The following VAPB variants were observed in gnomAD, a reference collection of about 807,000 sequenced individuals.
The protein encoded by VAPB is vesicle-associated membrane protein-associated protein B/C.
A neutral mutation model predicts 25.6 loss-of-function variants in VAPB; 7 were observed. That is an observed-to-expected ratio of 0.27 (90% CI 0.16 to 0.51). The LOEUF (loss-of-function observed/expected upper bound fraction) is 0.51. Among genes scored for constraint, VAPB ranks in the 20% least tolerant of loss-of-function variants. The pLI, the probability that VAPB is intolerant of heterozygous loss-of-function variation, is 0.97. For missense variants in VAPB, 266 were observed against 301.3 expected, an observed-to-expected ratio of 0.88 and a Z score of 0.87; for synonymous variants, 112 against 109.2, an observed-to-expected ratio of 1.03 and a Z score of -0.16.
chr20:58,396,103 C>G (rs1486140811), intron 1 of VAPB, among the ~76,000 whole-genome samples: 1 of 152,018 alleles, frequency 6.6e-6, no homozygotes, highest in Non-Finnish European at 1.5e-5. Context: ...CGTGAGAAAA[C>G]CTTGGAATAC....
At chr20:58,424,979 C>T (rs556722998) in intron 2 of VAPB, among the ~76,000 whole-genome samples, 11 of 152,360 alleles carry the variant, frequency 7.2e-5, no homozygotes, top group Admixed American at 2.0e-4. Context: ...ATGATCTCAA[C>T]GTGTTCTGGA....
At chr20:58,392,873 A>G (rs1225768498) in intron 1 of VAPB, among the ~76,000 whole-genome samples, 1 of 152,240 alleles carries the variant, frequency 6.6e-6, no homozygotes, top group African/African-American at 2.4e-5. Context: ...TTTTATAGGA[A>G]GTACTATGCT....
chr20:58,414,156 GCGGC>G (rs1988462047), intron 1 of VAPB, among the ~76,000 whole-genome samples: 1 of 130,124 alleles, frequency 7.7e-6, no homozygotes, highest in Admixed American at 7.1e-5. Context: ...CCCGGACGGG[GCGGC>G]TGGCCGGGCG....
In VAPB at chr20:58,444,535, C is replaced by T. The variant is rs897745393; in HGVS notation, c.*300C>T. The T allele has an allele frequency of 3.9e-6, 2 of 516,186 alleles. No individual in the cohort carries two copies. The highest frequency in any genetic ancestry group is 7.5e-6 in the Non-Finnish European group (2 of 267,652). 32.0% of individuals were successfully genotyped at this position (516,186 alleles called of 1,614,324 possible). On this transcript the variant is annotated 3_prime_UTR_variant, in exon 6 of 6. Coordinates refer to ENST00000475243, the MANE Select transcript of VAPB (RefSeq NM_004738.5). ...GGCATATTGTAAATGTCATTTTAAA[C>T]ATTGGTAGGCCTTGGTACATGATGC...
At chr20:58,394,510 C>A (rs753999092) in intron 1 of VAPB, among the ~76,000 whole-genome samples, 1 of 152,216 alleles carries the variant, frequency 6.6e-6, no homozygotes, top group South Asian at 2.1e-4. Flanking sequence ...GAAGATTCTT[C>A]GTGGTAGTGG....
At chr20:58,425,139 G>C (rs1405551038) in intron 2 of VAPB, among the ~76,000 whole-genome samples, 2 of 152,188 alleles carry the variant, frequency 1.3e-5, no homozygotes, top group East Asian at 3.9e-4. Context: ...CTGTGTCTTT[G>C]ATTAGTCTCA....
chr20:58,412,491 C>T (rs1430998976), intron 1 of VAPB, among the ~76,000 whole-genome samples: 1 of 144,930 alleles, frequency 6.9e-6, no homozygotes, highest in Admixed American at 7.3e-5. Flanking sequence ...GCATGAGAAT[C>T]GCTTGAACCT....
At chr20:58,411,584 G>T (rs762348996) in intron 1 of VAPB, among the ~76,000 whole-genome samples, 3 of 152,146 alleles carry the variant, frequency 2.0e-5, no homozygotes, top group Non-Finnish European at 4.4e-5. Flanking sequence ...ACATCTTTTC[G>T]TATGTTTATT....
At chr20:58,397,769 C>T (rs995126630) in intron 1 of VAPB, among the ~76,000 whole-genome samples, 1 of 152,138 alleles carries the variant, frequency 6.6e-6, no homozygotes, top group East Asian at 1.9e-4. Flanking sequence ...ATGCTCCTGA[C>T]CAGCCATTGC....
chr20:58,416,306 G>A (rs1406255104), intron 1 of VAPB, among the ~76,000 whole-genome samples: 2 of 143,478 alleles, frequency 1.4e-5, no homozygotes, highest in East Asian at 4.1e-4. Context: ...TTCAAAAACA[G>A]TTAAGTGTTT....
chr20:58,451,083 T>G lies in VAPB; in HGVS notation c.*6848T>G, dbSNP rs1293546545. The G allele has an allele frequency of 2.5e-6, 1 of 403,284 alleles. No individual in the cohort carries two copies. The highest frequency in any genetic ancestry group is 7.1e-5 in the East Asian group (1 of 14,030). The allele number at this position is 403,284 out of a possible 1,614,324, so 25.0% of individuals were successfully genotyped here. ...TCCATATTATGTTCAATAAATTCTG[T>G]GCTCTGAATATATTTAAAGGATGCT... On this transcript the variant is annotated 3_prime_UTR_variant, in exon 6 of 6. Coordinates refer to ENST00000475243, the MANE Select transcript of VAPB (RefSeq NM_004738.5).
rs968333452 is a variant in VAPB, at chr20:58,444,617, G to A, written c.*382G>A. The A allele has an allele frequency of 4.0e-5, 18 of 455,688 alleles. No individual in the cohort carries two copies. The highest frequency in any genetic ancestry group is 5.7e-5 in the Non-Finnish European group (13 of 227,974). 28.2% of individuals were successfully genotyped at this position (455,688 alleles called of 1,614,324 possible). On this transcript the variant is annotated 3_prime_UTR_variant, in exon 6 of 6. Coordinates refer to ENST00000475243, the MANE Select transcript of VAPB (RefSeq NM_004738.5). The stretch of plus-strand genomic sequence containing the variant: ...TCGCCTGTTGGTGCTGGCCCTTGGG[G>A]AGCTGGAGCCCAGCATGCTGGGGAG...
chr20:58,429,602 CTT>C (rs1406995607), intron 2 of VAPB, among the ~76,000 whole-genome samples: 1 of 152,176 alleles, frequency 6.6e-6, no homozygotes, highest in Admixed American at 6.5e-5. Flanking sequence ...TTGCAAAGGC[CTT>C]TGATTAGAGG....
chr20:58,424,754 C>T (rs1267020417), intron 2 of VAPB, among the ~76,000 whole-genome samples: 1 of 152,220 alleles, frequency 6.6e-6, no homozygotes, highest in Non-Finnish European at 1.5e-5. Flanking sequence ...ACCTCACTGT[C>T]AGCACATTTG....
chr20:58,440,064 C>T (rs1367262070), intron 4 of VAPB: 1 of 152,128 alleles, frequency 6.6e-6, no homozygotes, highest in Non-Finnish European at 1.5e-5. Flanking sequence ...ACTATCATTA[C>T]CCTGTTTCTT....
intron 3 of VAPB, among the ~76,000 whole-genome samples, chr20:58,436,067 TGTGCCTGTGTAA>T (rs1989037676): frequency 6.6e-6 from 1 of 152,188 alleles, no homozygotes; most frequent in Non-Finnish European, 1.5e-5. Context: ...GAGTATGAAG[TGTGCCTGTGTAA>T]GTGCCTGGTG....
At chr20:58,400,689 A>G (rs1371572405) in intron 1 of VAPB, among the ~76,000 whole-genome samples, 2 of 152,140 alleles carry the variant, frequency 1.3e-5, no homozygotes, top group East Asian at 1.9e-4. Flanking sequence ...GAGTACCCCA[A>G]AGAAGGATAC....
Position 58,413,500 on chromosome 20 carries a change from G to A in VAPB, c.59-4711G>A, listed in dbSNP as rs1793331715. Among the ~76,000 whole-genome samples, 7 of 152,266 alleles carry A rather than the reference G, an allele frequency of 4.6e-5. No individual in the cohort carries two copies. The South Asian group carries it at 1.5e-3, about 32-fold the overall frequency. ...CGATCAACAGGATCCCAAGGCAGAA[G>A]TTTTCTTAGTACAGAACAAAATGAA... On this transcript the variant is annotated intron_variant, in intron 1 of 5. Transcript: ENST00000475243.
chr20:58,415,403 T>C (rs1309644273), intron 1 of VAPB, among the ~76,000 whole-genome samples: 1 of 152,244 alleles, frequency 6.6e-6, no homozygotes, highest in African/African-American at 2.4e-5. Flanking sequence ...TTTACATTAT[T>C]AAAAAGAGTA....
Sources: gnomAD v4.1 joint callset for allele counts (sites outside exome capture counted in the v4.1 genomes callset) on GRCh38, gnomAD v4.1.1 for gene constraint, MANE v1.5 for transcripts, NCBI Gene and HGNC (gene_info 2026-07-23, HGNC 2026-07-21) for gene names.